The following ADGRB3 variants were observed in gnomAD, a reference collection of about 807,000 sequenced individuals.
ADGRB3 encodes the protein brain-specific angiogenesis inhibitor 3.
In ADGRB3, 37 loss-of-function variants were observed where a neutral mutation model predicts 193.4. The ratio of observed to expected loss-of-function variants is 0.19; its 90% CI spans 0.15 to 0.25. The LOEUF is 0.25. Among genes scored for constraint, ADGRB3 ranks in the 10% least tolerant of loss-of-function variants. The pLI, the probability that ADGRB3 is intolerant of heterozygous loss-of-function variation, is 1.00. For missense variants in ADGRB3, 1,637 were observed against 1,852.9 expected (o/e 0.88, Z 2.14); for synonymous variants, 690 against 644.2 (o/e 1.07, Z -1.08).
intron 26 of ADGRB3, among the ~76,000 whole-genome samples, chr6:69,346,732 G>A (rs963931516): frequency 6.6e-6 from 1 of 152,166 alleles, no homozygotes; most frequent in Non-Finnish European, 1.5e-5. Context: ...TGGAGAAATA[G>A]GAAGGCTTTT....
intron 3 of ADGRB3, among the ~76,000 whole-genome samples, chr6:68,837,359 G>A (rs1292815776): frequency 6.6e-6 from 1 of 152,030 alleles, no homozygotes; most frequent in Non-Finnish European, 1.5e-5. Context: ...AACAATAGTT[G>A]ATATATTCTT....
rs553637614 is a variant in ADGRB3 at position 69,161,568 on chromosome 6, A to T, written c.2481-71722A>T. 4.6e-5 allele frequency among the ~76,000 whole-genome samples: 7 copies of T among 152,246 alleles called. No homozygotes were observed. In the East Asian group the frequency reaches 1.2e-3, roughly 25 times the overall value. The stretch of plus-strand genomic sequence containing the variant: ...TTAACAAGTTCCAGGTATATCCATT[A>T]TCTATGGTTGCCTAGCTAATCATCC... On this transcript the variant is annotated intron_variant, in intron 17 of 31. Coordinates refer to ENST00000370598, the MANE Select transcript of ADGRB3 (RefSeq NM_001704.3).
chr6:69,237,796 C>T (rs1766300387), intron 19 of ADGRB3, among the ~76,000 whole-genome samples: 1 of 151,888 alleles, frequency 6.6e-6, no homozygotes, highest in South Asian at 2.1e-4. Context: ...ATATTATATT[C>T]CCCACCCACA....
chr6:68,882,160 C>G (rs1282190955), intron 3 of ADGRB3, among the ~76,000 whole-genome samples: 4 of 152,132 alleles, frequency 2.6e-5, no homozygotes, highest in Non-Finnish European at 4.4e-5. Flanking sequence ...AAACCTGGGA[C>G]ATAATATGGA....
chr6:68,840,963 A>G (rs2127387360), intron 3 of ADGRB3, among the ~76,000 whole-genome samples: 1 of 152,304 alleles, frequency 6.6e-6, no homozygotes, highest in African/African-American at 2.4e-5. Context: ...CTTACATCAG[A>G]AAAAGTAGAT....
chr6:69,033,212 G>C (rs745381680), intron 13 of ADGRB3, among the ~76,000 whole-genome samples: 2 of 152,072 alleles, frequency 1.3e-5, no homozygotes, highest in Non-Finnish European at 2.9e-5. Context: ...ATGGCAGTTA[G>C]GGCCCATGAA....
intron 3 of ADGRB3, among the ~76,000 whole-genome samples, chr6:68,682,388 G>C (rs1186263726): frequency 1.3e-5 from 2 of 152,128 alleles, no homozygotes; most frequent in African/African-American, 4.8e-5. Flanking sequence ...CCTGAAGGTT[G>C]AAATCGAACC....
At chr6:69,000,498 A>G (rs1056428385) in intron 11 of ADGRB3, among the ~76,000 whole-genome samples, 4 of 148,216 alleles carry the variant, frequency 2.7e-5, no homozygotes, top group African/African-American at 5.1e-5. Flanking sequence ...CTTATTTTCT[A>G]TGTAAGGTAT....
At chr6:69,303,360 C>A (rs1404541508) in intron 20 of ADGRB3, among the ~76,000 whole-genome samples, 1 of 151,804 alleles carries the variant, frequency 6.6e-6, no homozygotes, top group Non-Finnish European at 1.5e-5. Flanking sequence ...CCTCTCCTGC[C>A]TCTCCTTCCA....
chr6:69,306,409 G>GA (rs1486295039), intron 20 of ADGRB3, among the ~76,000 whole-genome samples: 1 of 151,298 alleles, frequency 6.6e-6, no homozygotes, highest in African/African-American at 2.4e-5. Flanking sequence ...CTCATTAATA[G>GA]AAAAAATAAG....
chr6:68,942,741 T>G (rs2184725), intron 5 of ADGRB3, among the ~76,000 whole-genome samples: 123,099 of 152,020 alleles, frequency 0.81, 50,631 homozygotes, highest in Non-Finnish European at 0.88. Context: ...CTCCTGAGCA[T>G]CTGGGACTAC....
chr6:69,236,203 T>C (rs1481352445), intron 19 of ADGRB3, among the ~76,000 whole-genome samples: 5 of 152,042 alleles, frequency 3.3e-5, no homozygotes, highest in Non-Finnish European at 7.4e-5. Flanking sequence ...AGAGCAAGAA[T>C]TAATTGTCAC....
chr6:69,330,118 A>G (rs1315440918), intron 22 of ADGRB3, among the ~76,000 whole-genome samples: 2 of 152,164 alleles, frequency 1.3e-5, no homozygotes, highest in Admixed American at 1.3e-4. Context: ...AAAAAAAAAT[A>G]CACTGGTCTT....
chr6:69,048,088 T>G, intron 13 of ADGRB3, 97 bp from the exon 14 acceptor site: 1 of 1,304,192 alleles, frequency 7.7e-7, no homozygotes, highest in South Asian at 1.4e-5. Flanking sequence ...GACTTGAAAT[T>G]TTATTTTGAA....
intron 20 of ADGRB3, among the ~76,000 whole-genome samples, chr6:69,312,009 T>A (rs550795599): frequency 6.6e-6 from 1 of 151,924 alleles, no homozygotes; most frequent in South Asian, 2.1e-4. Context: ...TTTTATCAAC[T>A]TCTTTAGAGA....
intron 3 of ADGRB3, among the ~76,000 whole-genome samples, chr6:68,903,829 A>G (rs1766462804): frequency 6.6e-6 from 1 of 151,558 alleles, no homozygotes; most frequent in Admixed American, 6.6e-5. Flanking sequence ...CAACATAGTG[A>G]CACCCTGTCT....
In ADGRB3 at chr6:69,304,883, G is replaced by A. The variant is rs555231016; in HGVS notation, c.2815-19989G>A. On this transcript the variant is annotated intron_variant, in intron 20 of 31. Transcript: ENST00000370598. ...GGTTTCTGGCTAATAGCATTTTCTG[G>A]TCTCCAAATCTGTGGTGCACCATTA... is the stretch of plus-strand genomic sequence containing the variant. 4.0e-4 allele frequency among the ~76,000 whole-genome samples: 61 copies of A among 151,538 alleles called. 1 individual carries two copies. The highest frequency in any genetic ancestry group is 1.4e-3 in the African/African-American group (59 of 41,184).
At chr6:69,249,642 A>G (rs1248381427) in intron 20 of ADGRB3, among the ~76,000 whole-genome samples, 2 of 152,060 alleles carry the variant, frequency 1.3e-5, no homozygotes, top group Non-Finnish European at 2.9e-5. Context: ...TTCTCTTTTT[A>G]CCTCTCTACC....
At chr6:69,054,374 A>G (rs1337211618) in intron 15 of ADGRB3, among the ~76,000 whole-genome samples, 1 of 152,184 alleles carries the variant, frequency 6.6e-6, no homozygotes, top group South Asian at 2.1e-4. Flanking sequence ...ATTGGAAATA[A>G]TAGAAAATTG....
Sources: gnomAD v4.1 joint callset for allele counts (sites outside exome capture counted in the v4.1 genomes callset) on GRCh38, gnomAD v4.1.1 for gene constraint, MANE v1.5 for transcripts, NCBI Gene and HGNC (gene_info 2026-07-23, HGNC 2026-07-21) for gene names.